The following NUP98 variants were observed in gnomAD, a reference collection of about 807,000 sequenced individuals.
NUP98 encodes the protein nucleoporin 98 and 96 precursor.
Under a neutral mutation model 191.9 loss-of-function variants are expected in NUP98, and 26 were observed. That is an observed-to-expected ratio of 0.14 (90% confidence interval 0.10 to 0.19). The LOEUF (loss-of-function observed/expected upper bound fraction) is 0.19. NUP98 is among the 10% of genes least tolerant of loss of function. The pLI, the probability that NUP98 is intolerant of heterozygous loss-of-function variation, is 1.00. For synonymous variants in NUP98, 808 were observed against 778.4 expected, an observed-to-expected ratio of 1.04 and a Z score of -0.63; for missense variants, 1,941 against 2,178.8, an observed-to-expected ratio of 0.89 and a Z score of 2.17.
intron 28 of NUP98, among the ~76,000 whole-genome samples, chr11:3,690,812 G>A (rs1474951688): frequency 6.6e-6 from 1 of 151,660 alleles, no homozygotes; most frequent in Non-Finnish European, 1.5e-5. Flanking sequence ...ATCAACAAAT[G>A]AATAGATACA....
chr11:3,693,871 T>C lies in NUP98; in HGVS notation c.4168-496A>G, dbSNP rs986630143. ...TAATAATATAAGAGGTAGGCAGTGA[T>C]AAGAGAAATGGCTTAAAATAATTAT... On this transcript the variant is annotated intron_variant, in intron 26 of 32. Transcript: ENST00000324932. Among the ~76,000 whole-genome samples the C allele has an allele frequency of 2.0e-4, 30 of 152,166 alleles. 1 individual carries two copies. The highest frequency in any genetic ancestry group is 7.0e-4 in the African/African-American group (29 of 41,440).
At chr11:3,693,462 T>G in intron 26 of NUP98, 87 bp from the exon 27 acceptor site, 2 of 1,267,330 alleles carry the variant, frequency 1.6e-6, no homozygotes, top group Non-Finnish European at 2.2e-6. Flanking sequence ...TATTCACTTA[T>G]TCAAGGAACA....
At chr11:3,676,414 G>C (rs779892180) in intron 32 of NUP98, 38 bp from the exon 33 acceptor site, 1 of 1,609,702 alleles carries the variant, frequency 6.2e-7, no homozygotes, top group Non-Finnish European at 8.5e-7. Flanking sequence ...TGAGCATGGG[G>C]TCTGGAGAAG....
chr11:3,795,154 G>T (rs377496209), intron 1 of NUP98, among the ~76,000 whole-genome samples: 1 of 152,092 alleles, frequency 6.6e-6, no homozygotes, highest in African/African-American at 2.4e-5. Flanking sequence ...ATAAAGTCAG[G>T]TACTGGCTGG....
intron 8 of NUP98, among the ~76,000 whole-genome samples, chr11:3,763,704 A>G (rs1171755636): frequency 6.6e-6 from 1 of 152,048 alleles, no homozygotes; most frequent in Non-Finnish European, 1.5e-5. Context: ...GCACGCCACC[A>G]GGCCTGGCTA....
intron 2 of NUP98, among the ~76,000 whole-genome samples, chr11:3,779,634 G>A (rs1464838504): frequency 6.3e-5 from 4 of 63,856 alleles, no homozygotes; most frequent in South Asian, 7.0e-4. Context: ...AGTGTGAAAC[G>A]CCGTCTCAAA....
At chr11:3,679,137 A>C (rs930042911) in intron 31 of NUP98, among the ~76,000 whole-genome samples, 1 of 151,802 alleles carries the variant, frequency 6.6e-6, no homozygotes, top group Non-Finnish European at 1.5e-5. Flanking sequence ...AAAAAAAAAA[A>C]AAAAAAACTG....
intron 9 of NUP98, among the ~76,000 whole-genome samples, chr11:3,761,043 T>C (rs180735475): frequency 2.0e-5 from 3 of 152,338 alleles, no homozygotes; most frequent in Admixed American, 6.5e-5. Context: ...GAAAATGCTA[T>C]GCTAAGTGAA....
chr11:3,735,735 A>T (rs61877583), intron 12 of NUP98, among the ~76,000 whole-genome samples: 4 of 150,048 alleles, frequency 2.7e-5, no homozygotes, highest in Admixed American at 6.7e-5. Context: ...ATACGACAGT[A>T]TACAGGGCAA....
intron 12 of NUP98, among the ~76,000 whole-genome samples, chr11:3,743,996 T>C (rs2080393147): frequency 6.6e-6 from 1 of 151,962 alleles, no homozygotes; most frequent in South Asian, 2.1e-4. Flanking sequence ...GAGGTGGAGG[T>C]TGCAGTGAGC....
At chr11:3,697,590 C>T (rs568044378) in intron 25 of NUP98, among the ~76,000 whole-genome samples, 17 of 152,182 alleles carry the variant, frequency 1.1e-4, no homozygotes, top group Admixed American at 1.0e-3. Context: ...GGGTGGATCA[C>T]TGGAAGTCAC....
intron 2 of NUP98, among the ~76,000 whole-genome samples, chr11:3,780,925 T>G (rs149177802): frequency 1.3e-5 from 2 of 151,230 alleles, no homozygotes; most frequent in East Asian, 3.9e-4. Flanking sequence ...ATTAAAAATA[T>G]AAAAATTAGC....
chr11:3,680,436 C>T (rs1017138746), intron 30 of NUP98, among the ~76,000 whole-genome samples: 2 of 152,226 alleles, frequency 1.3e-5, no homozygotes, highest in African/African-American at 4.8e-5. Flanking sequence ...ACTTCCCCCA[C>T]TAAAGTCTTG....
At chr11:3,757,140 T>TATAC (rs2080992619) in intron 10 of NUP98, among the ~76,000 whole-genome samples, 1 of 29,166 alleles carries the variant, frequency 3.4e-5, no homozygotes. Context: ...TCTATATGTG[T>TATAC]ATATATATAT....
intron 15 of NUP98, 70 bp from the exon 16 acceptor site, chr11:3,723,525 C>A: frequency 7.4e-7 from 1 of 1,344,716 alleles, no homozygotes; most frequent in Non-Finnish European, 1.0e-6. Flanking sequence ...CTAACTAATA[C>A]CGAGCCTTTA....
In NUP98 at chr11:3,771,826, T is replaced by C; in HGVS notation, c.706A>G (p.Ser236Gly). The C allele has an allele frequency of 6.2e-7, 1 of 1,614,186 alleles. No individual in the cohort carries two copies. The highest frequency in any genetic ancestry group is 8.5e-7 in the Non-Finnish European group (1 of 1,180,030). ...GLFGSSPATS[S>G]ATGLFSSSTT... is the part of the protein sequence containing the mutation. ...GAGGAGCTGAAGAGTCCTGTTGCGCTGGAAGTGGCTGGAGAAGACCCAAAC... is the reference window on the plus strand; with the variant it reads ...GAGGAGCTGAAGAGTCCTGTTGCGCCGGAAGTGGCTGGAGAAGACCCAAAC... The change falls in exon 7 of 33, where the codon AGC (serine) becomes GGC (glycine). Residue 236 changes from serine to glycine, a missense_variant. Around this residue, in one of 6 missense-constraint regions of NUP98, gnomAD observed 181 missense variants for 228.0 expected, o/e 0.79. Transcript: ENST00000324932.
chr11:3,774,942 T>C (rs979963410), intron 5 of NUP98, among the ~76,000 whole-genome samples: 2 of 152,208 alleles, frequency 1.3e-5, no homozygotes, highest in African/African-American at 2.4e-5. Flanking sequence ...CTTCATTTTC[T>C]GGAGTATATT....
chr11:3,709,097 T>A (rs2078954033), intron 20 of NUP98, among the ~76,000 whole-genome samples: 1 of 152,190 alleles, frequency 6.6e-6, no homozygotes, highest in African/African-American at 2.4e-5. Flanking sequence ...AAAAGTAAGA[T>A]ATATCAAGAC....
chr11:3,753,545 A>G (rs2080843752), intron 10 of NUP98, 137 bp from the exon 11 acceptor site: 5 of 612,626 alleles, frequency 8.2e-6, no homozygotes, highest in Middle Eastern at 6.0e-4. Context: ...AACTTGTAGG[A>G]TAACTTAAAA....
Sources: allele counts gnomAD v4.1 joint callset (sites outside exome capture counted in the v4.1 genomes callset), GRCh38; gene constraint gnomAD v4.1.1; regional missense constraint gnomAD v4.1.1; transcripts MANE v1.5; gene names NCBI Gene and HGNC (gene_info 2026-07-23, HGNC 2026-07-21).